Variants in NLK observed in about 807,000 individuals in gnomAD.
The protein encoded by NLK is serine/threonine-protein kinase NLK.
NLK carries 11 observed loss-of-function variants against 59.0 expected under a neutral mutation model. That is an observed-to-expected ratio of 0.19 (90% CI 0.12 to 0.31). The LOEUF is 0.31. NLK is among the 10% of genes least tolerant of loss of function. The pLI, the probability that NLK is intolerant of heterozygous loss-of-function variation, is 1.00. For synonymous variants in NLK, 235 were observed against 235.9 expected, an observed-to-expected ratio of 1.00 and a Z score of 0.03; for missense variants, 410 against 661.1, an observed-to-expected ratio of 0.62 and a Z score of 4.16.
intron 1 of NLK, among the ~76,000 whole-genome samples, chr17:28,044,200 A>G (rs1908972205): frequency 6.6e-6 from 1 of 152,190 alleles, no homozygotes; most frequent in South Asian, 2.1e-4. Context: ...GTTTATAATA[A>G]AATATGTTTG....
chr17:28,205,228 T>C, the NLK span, among the ~76,000 whole-genome samples: 3 of 152,252 alleles, frequency 2.0e-5, no homozygotes, highest in Non-Finnish European at 4.4e-5. Flanking sequence ...ATGTGAGACG[T>C]ACCTGGAATA....
At chr17:28,098,675 CTTTTTTTTTTTTTTTT>C (rs781294029) in intron 1 of NLK, among the ~76,000 whole-genome samples, 5 of 67,566 alleles carry the variant, frequency 7.4e-5, no homozygotes, top group Non-Finnish European at 1.4e-4. Context: ...CATTACCATT[CTTTTTTTTTTTTTTTT>C]TTTTTTTTGA....
downstream of NLK, among the ~76,000 whole-genome samples, chr17:28,201,363 A>G (rs1277535155): frequency 6.8e-6 from 1 of 147,810 alleles, no homozygotes; most frequent in Non-Finnish European, 1.5e-5. Context: ...CATTACAGGC[A>G]TGAGCAACTG....
rs35639099 is a variant in NLK, at chr17:28,077,073, C to CTTTTTTTTTTTTTTTTTTTTTTTTTTT, written c.458+33767_458+33768insTTTTTTTTTTTTTTTTTTTTTTTTTTT. On this transcript the variant is annotated intron_variant, in intron 1 of 10. Transcript: ENST00000407008. ...CTTTGCTTTGTACTTCTCTTTCTTT[C>CTTTTTTTTTTTTTTTTTTTTTTTTTTT]TTTTTTTTTTTTTTTTTTTTTTTTT... is the stretch of plus-strand genomic sequence containing the variant. Among the ~76,000 whole-genome samples, 23 of 42,492 alleles carry CTTTTTTTTTTTTTTTTTTTTTTTTTTT rather than the reference C, an allele frequency of 5.4e-4. 1 individual carries two copies. The highest frequency in any genetic ancestry group is 1.2e-3 in the South Asian group (1 of 818). The allele number at this position is 42,492 out of a possible 152,430, so 27.9% of individuals were successfully genotyped here.
intron 10 of NLK, 78 bp downstream of exon 10, chr17:28,192,291 G>A (rs559094407): frequency 2.5e-6 from 2 of 795,152 alleles, no homozygotes; most frequent in Non-Finnish European, 2.1e-6. Context: ...CAGCATATTT[G>A]TTTTTATTTA....
intron 1 of NLK, among the ~76,000 whole-genome samples, chr17:28,068,865 G>T (rs1163789784): frequency 6.6e-6 from 1 of 152,108 alleles, no homozygotes; most frequent in Non-Finnish European, 1.5e-5. Flanking sequence ...TTTTTATAGA[G>T]ATGGGATCTC....
At chr17:28,172,927 C>T (rs1292312770) in intron 7 of NLK, among the ~76,000 whole-genome samples, 1 of 152,150 alleles carries the variant, frequency 6.6e-6, no homozygotes. Context: ...ACCTCAATGC[C>T]ATAACCTACT....
chr17:28,168,889 T>A (rs952920597), intron 6 of NLK, among the ~76,000 whole-genome samples: 9 of 152,128 alleles, frequency 5.9e-5, no homozygotes, highest in Non-Finnish European at 1.2e-4. Flanking sequence ...TATTTATTAT[T>A]ATTATTATTT....
chr17:28,149,211 C>T (rs1160031004), intron 3 of NLK, among the ~76,000 whole-genome samples: 1 of 152,086 alleles, frequency 6.6e-6, no homozygotes, highest in Non-Finnish European at 1.5e-5. Context: ...TACAGGTGCG[C>T]ACCACCACAC....
intron 1 of NLK, 125 bp downstream of exon 1, chr17:28,043,456 G>A: frequency 1.2e-6 from 1 of 820,018 alleles, no homozygotes; most frequent in Admixed American, 3.0e-5. Flanking sequence ...CCCAACTGTA[G>A]GAAGCCACCC....
intron 1 of NLK, among the ~76,000 whole-genome samples, chr17:28,100,360 G>A (rs532727804): frequency 1.3e-5 from 2 of 152,090 alleles, no homozygotes; most frequent in Non-Finnish European, 1.5e-5. Context: ...TTAAAACCAC[G>A]AGCTCATGTT....
chr17:28,074,117 T>C (rs1910095849), intron 1 of NLK, among the ~76,000 whole-genome samples: 1 of 152,222 alleles, frequency 6.6e-6, no homozygotes, highest in African/African-American at 2.4e-5. Flanking sequence ...TAGTCCTATT[T>C]AAGGATGGAT....
chr17:28,191,988 G>A (rs1909321492), intron 9 of NLK, 132 bp from the exon 10 acceptor site: 1 of 559,334 alleles, frequency 1.8e-6, no homozygotes. Context: ...CTGCTTGATA[G>A]ATGATGTGTG....
chr17:28,068,795 C>T (rs1208491081), intron 1 of NLK, among the ~76,000 whole-genome samples: 1 of 152,166 alleles, frequency 6.6e-6, no homozygotes, highest in African/African-American at 2.4e-5. Context: ...TCCCCTGCTG[C>T]AGCCTTCAGA....
At chr17:28,199,351 T>A (rs1432069112), downstream of NLK, among the ~76,000 whole-genome samples, 5 of 151,776 alleles carry the variant, frequency 3.3e-5, no homozygotes, top group African/African-American at 1.2e-4. Context: ...TAATCCCAGC[T>A]ATTTGGGAGG....
At chr17:28,115,029 T>G (rs1006617230) in intron 1 of NLK, among the ~76,000 whole-genome samples, 1 of 152,144 alleles carries the variant, frequency 6.6e-6, no homozygotes, top group Admixed American at 6.5e-5. Flanking sequence ...CCCCATGATG[T>G]CTGAGGAGAG....
chr17:28,064,086 T>C (rs1746800487), intron 1 of NLK, among the ~76,000 whole-genome samples: 1 of 151,808 alleles, frequency 6.6e-6, no homozygotes. Flanking sequence ...TCAAATTTGC[T>C]GATCAGAGGA....
intron 5 of NLK, 65 bp from the exon 6 acceptor site, chr17:28,168,383 G>T: frequency 1.8e-6 from 2 of 1,141,454 alleles, no homozygotes; most frequent in Non-Finnish European, 1.3e-6. Context: ...TCAAAATTTT[G>T]ATGTTTTGTT....
chr17:28,073,553 A>G (rs1910076560), intron 1 of NLK, among the ~76,000 whole-genome samples: 1 of 152,090 alleles, frequency 6.6e-6, no homozygotes, highest in Non-Finnish European at 1.5e-5. Flanking sequence ...ATGCTTTTCC[A>G]TCTAATTTAC....
Sources: gnomAD v4.1 joint callset for allele counts (sites outside exome capture counted in the v4.1 genomes callset) on GRCh38, gnomAD v4.1.1 for gene constraint, MANE v1.5 for transcripts, NCBI Gene and HGNC (gene_info 2026-07-23, HGNC 2026-07-21) for gene names.